The following MAGI1 variants were observed in gnomAD, a reference collection of about 807,000 sequenced individuals.
MAGI1 encodes membrane-associated guanylate kinase, WW and PDZ domain-containing protein 1.
A neutral mutation model predicts 139.9 loss-of-function variants in MAGI1; 58 were observed. The observed-to-expected ratio is 0.41, with a 90% CI of 0.34 to 0.52. The LOEUF (loss-of-function observed/expected upper bound fraction) is 0.52, where lower values mean the gene tolerates loss of function less well. Ranked by LOEUF, MAGI1 falls within the 20% of genes least tolerant of loss-of-function variation. MAGI1 has a pLI of 0.12. For synonymous variants in MAGI1, 812 were observed against 737.9 expected (o/e 1.10, Z -1.63); for missense variants, 1,874 against 1,901.6 (o/e 0.99, Z 0.27).
At chr3:65,426,194 C>T (rs1048468942) in intron 12 of MAGI1, among the ~76,000 whole-genome samples, 5 of 152,070 alleles carry the variant, frequency 3.3e-5, no homozygotes, top group Admixed American at 1.3e-4. Context: ...GGACTGGTCC[C>T]GGCTACTTGG....
chr3:65,960,264 A>T (rs1170294169), intron 1 of MAGI1, among the ~76,000 whole-genome samples: 1 of 152,094 alleles, frequency 6.6e-6, no homozygotes. Flanking sequence ...TAGATTCCTC[A>T]TGTGGAAAAG....
At chr3:65,819,803 G>A (rs1418307276) in intron 1 of MAGI1, among the ~76,000 whole-genome samples, 1 of 140,036 alleles carries the variant, frequency 7.1e-6, no homozygotes, top group African/African-American at 2.7e-5. Context: ...CTTGAACCCA[G>A]GAGGCAGAGG....
At position 65,430,720 on chromosome 3, in the gene MAGI1, A is replaced by T; in HGVS notation, c.1525T>A (p.Leu509Met). 1 of 1,613,490 alleles carries T rather than the reference A, an allele frequency of 6.2e-7. No homozygotes were observed. Among genetic ancestry groups the T allele is most frequent in the Non-Finnish European group, 8.5e-7 (1 of 1,179,686 alleles). Residue 509 changes from leucine (L) to methionine (M), a missense_variant, in exon 11 of 23, where the codon TTG becomes ATG. Transcript: ENST00000402939. Reference sequence around the variant, plus strand: ...CTACCTGTTTCCATCTTGCCATCCAATGCAGCAGGACCATCTAGGACCAAG... The same window carrying T: ...CTACCTGTTTCCATCTTGCCATCCATTGCAGCAGGACCATCTAGGACCAAG... ...KSLVLDGPAA[L>M]DGKMETGDVI... is the part of the protein sequence containing the mutation.
chr3:65,773,301 G>A (rs1302867834), intron 1 of MAGI1, among the ~76,000 whole-genome samples: 1 of 151,996 alleles, frequency 6.6e-6, no homozygotes, highest in African/African-American at 2.4e-5. Flanking sequence ...GGAAAGCTGA[G>A]GCAGGAAGAT....
intron 1 of MAGI1, among the ~76,000 whole-genome samples, chr3:65,736,386 A>G (rs991097365): frequency 6.6e-6 from 1 of 152,166 alleles, no homozygotes. Context: ...TAGGACATAT[A>G]TATACAGATA....
intron 1 of MAGI1, among the ~76,000 whole-genome samples, chr3:65,723,573 T>C (rs1054871869): frequency 3.3e-5 from 5 of 152,182 alleles, no homozygotes; most frequent in African/African-American, 1.2e-4. Flanking sequence ...GCTCATGGTG[T>C]TTGTCACAAA....
chr3:66,032,993 C>T (rs1384672323), intron 1 of MAGI1, among the ~76,000 whole-genome samples: 2 of 149,592 alleles, frequency 1.3e-5, no homozygotes, highest in Non-Finnish European at 3.0e-5. Context: ...AAGGAACAAA[C>T]AGGGTGAGGG....
intron 2 of MAGI1, among the ~76,000 whole-genome samples, chr3:65,502,833 G>T (rs999997301): frequency 6.6e-6 from 1 of 152,192 alleles, no homozygotes; most frequent in Non-Finnish European, 1.5e-5. Context: ...AATGTGAAAA[G>T]AAAAGGTGTG....
At chr3:66,004,545 T>C (rs763111511) in intron 1 of MAGI1, among the ~76,000 whole-genome samples, 2 of 152,160 alleles carry the variant, frequency 1.3e-5, no homozygotes, top group African/African-American at 2.4e-5. Flanking sequence ...TGTGACTTTC[T>C]GTCATACTCT....
chr3:65,730,737 C>T (rs765011761), intron 1 of MAGI1, among the ~76,000 whole-genome samples: 5 of 152,098 alleles, frequency 3.3e-5, no homozygotes, highest in Non-Finnish European at 5.9e-5. Context: ...CAAATGTTTC[C>T]TAGAATGGAA....
At chr3:65,853,854 C>G (rs762041058) in intron 1 of MAGI1, among the ~76,000 whole-genome samples, 1 of 152,120 alleles carries the variant, frequency 6.6e-6, no homozygotes. Context: ...TCTATAATCC[C>G]AGCACTTTGG....
At chr3:66,027,765 A>T (rs1405295023) in intron 1 of MAGI1, among the ~76,000 whole-genome samples, 3 of 152,118 alleles carry the variant, frequency 2.0e-5, no homozygotes, top group Non-Finnish European at 2.9e-5. Context: ...GGCTTTCTCA[A>T]CCTCAGCCTT....
rs558900302 is a variant in MAGI1 at position 65,720,654 on chromosome 3, C to G, written c.314-98566G>C. On this transcript the variant is annotated intron_variant, in intron 1 of 22. Coordinates refer to ENST00000402939, the MANE Select transcript of MAGI1 (RefSeq NM_001033057.2). ...AAACACGTAAAGCTTCCCTTTCATA[C>G]CAAGTGGGAGATGAGGAAGTTCAGG... Among the ~76,000 whole-genome samples the G allele has an allele frequency of 9.5e-4, 145 of 152,272 alleles. 1 individual carries two copies. Among genetic ancestry groups the G allele is most frequent in the African/African-American group, 3.3e-3 (139 of 41,562 alleles).
rs2069071122 is a variant in MAGI1 at position 66,038,699 on chromosome 3, G to GCCTCT, written c.-396_-392dup. On this transcript the variant is annotated 5_prime_UTR_variant, in exon 1 of 23. Coordinates refer to ENST00000402939, the MANE Select transcript of MAGI1 (RefSeq NM_001033057.2). ...CTCCTCTTTGCCTCCCGCCCGGCTCGCCTCTCCTCGCTGGCAGGCTGTTAC... is the reference window on the plus strand; with the variant it reads ...CTCCTCTTTGCCTCCCGCCCGGCTCGCCTCTCCTCTCCTCGCTGGCAGGCTGTTAC... The GCCTCT allele has an allele frequency of 1.1e-5, 2 of 175,152 alleles. No individual in the cohort carries two copies. The highest frequency in any genetic ancestry group is 2.4e-5 in the Non-Finnish European group (2 of 83,728). The allele number at this position is 175,152 out of a possible 1,614,324, so 10.8% of individuals were successfully genotyped here. A position where few individuals can be genotyped will look rare whatever the true frequency, so the allele number is the denominator to read the frequency against.
intron 12 of MAGI1, among the ~76,000 whole-genome samples, chr3:65,409,886 T>C (rs995776257): frequency 6.6e-6 from 1 of 152,210 alleles, no homozygotes; most frequent in African/African-American, 2.4e-5. Context: ...TGGCATTTTG[T>C]GAAGAAGATT....
intron 1 of MAGI1, among the ~76,000 whole-genome samples, chr3:65,865,094 C>T (rs2059676714): frequency 6.6e-6 from 1 of 152,138 alleles, no homozygotes; most frequent in Non-Finnish European, 1.5e-5. Context: ...CTATGCCATA[C>T]ACACAACTAC....
At chr3:65,377,284 T>G (rs542329378) in intron 17 of MAGI1, among the ~76,000 whole-genome samples, 1 of 152,324 alleles carries the variant, frequency 6.6e-6, no homozygotes, top group East Asian at 1.9e-4. Flanking sequence ...GCTGGAATGC[T>G]CCCATACTCA....
intron 1 of MAGI1, among the ~76,000 whole-genome samples, chr3:66,023,627 C>T (rs2107562248): frequency 6.6e-6 from 1 of 152,294 alleles, no homozygotes; most frequent in Middle Eastern, 3.4e-3. Context: ...TGACACTGTC[C>T]ACTCCTGGGG....
chr3:65,402,101 C>T (rs1342949839), intron 12 of MAGI1, among the ~76,000 whole-genome samples: 1 of 152,132 alleles, frequency 6.6e-6, no homozygotes, highest in African/African-American at 2.4e-5. Flanking sequence ...TCTGGATCAT[C>T]AGCACATGTC....
Sources: gnomAD v4.1 joint callset for allele counts (sites outside exome capture counted in the v4.1 genomes callset) on GRCh38, gnomAD v4.1.1 for gene constraint, MANE v1.5 for transcripts, NCBI Gene and HGNC (gene_info 2026-07-23, HGNC 2026-07-21) for gene names.